The following SH3GL3 variants were observed in gnomAD, a reference collection of about 807,000 sequenced individuals.
SH3GL3 encodes the protein endophilin-A3.
In SH3GL3, 33 loss-of-function variants were observed where a neutral mutation model predicts 47.7. The ratio of observed to expected loss-of-function variants is 0.69; its 90% CI spans 0.52 to 0.92. SH3GL3 has a LOEUF of 0.92. Among genes scored for constraint, SH3GL3 ranks in the 40% least tolerant of loss-of-function variants. The pLI, the probability that SH3GL3 is intolerant of heterozygous loss-of-function variation, is 0.00. For synonymous variants in SH3GL3, 155 were observed against 148.8 expected, an observed-to-expected ratio of 1.04 and a Z score of -0.30; for missense variants, 363 against 417.8, an observed-to-expected ratio of 0.87 and a Z score of 1.14.
At chr15:83,576,937 A>G (rs564150114) in intron 6 of SH3GL3, among the ~76,000 whole-genome samples, 196 bp downstream of exon 6, 105 of 5,842 alleles carry the variant, frequency 0.018, 1 homozygote, top group African/African-American at 0.093. Context: ...TTTTTTTTTG[A>G]GACGCTGTCT....
At chr15:83,501,140 G>T (rs547290090) in intron 1 of SH3GL3, among the ~76,000 whole-genome samples, 1 of 152,102 alleles carries the variant, frequency 6.6e-6, no homozygotes, top group African/African-American at 2.4e-5. Flanking sequence ...TCAGAAATAA[G>T]CAAGAACTCT....
At chr15:83,509,025 G>A (rs1304231623) in intron 1 of SH3GL3, among the ~76,000 whole-genome samples, 1 of 152,218 alleles carries the variant, frequency 6.6e-6, no homozygotes, top group Non-Finnish European at 1.5e-5. Flanking sequence ...TGAGCAATTG[G>A]TAAGGCTTAT....
In SH3GL3 at chr15:83,461,884, T is replaced by C. The variant is rs144436085; in HGVS notation, c.45+14306T>C. ...TCTGATAAAACTAACTTATTTTACATACAAATTAGTCTTGCTCTGAGTACT... is the reference window on the plus strand; with the variant it reads ...TCTGATAAAACTAACTTATTTTACACACAAATTAGTCTTGCTCTGAGTACT... On this transcript the variant is annotated intron_variant, in intron 1 of 8. Coordinates refer to ENST00000427482, the MANE Select transcript of SH3GL3 (RefSeq NM_003027.5). Among the ~76,000 whole-genome samples the C allele has an allele frequency of 3.8e-3, 583 of 152,310 alleles. 4 individuals are homozygous for C. Among genetic ancestry groups the C allele is most frequent in the African/African-American group, 0.013 (544 of 41,556 alleles).
intron 1 of SH3GL3, among the ~76,000 whole-genome samples, chr15:83,537,979 T>A (rs986756114): frequency 3.3e-5 from 5 of 152,216 alleles, no homozygotes; most frequent in Non-Finnish European, 7.3e-5. Context: ...TCAATTTCTG[T>A]AATATTTATT....
intron 1 of SH3GL3, among the ~76,000 whole-genome samples, chr15:83,551,143 G>A (rs1416608786): frequency 1.3e-5 from 2 of 152,156 alleles, no homozygotes; most frequent in Non-Finnish European, 2.9e-5. Flanking sequence ...TTTATAATTT[G>A]TCACTGCTCG....
intron 8 of SH3GL3, among the ~76,000 whole-genome samples, chr15:83,591,831 G>A (rs374300920): frequency 1.3e-5 from 2 of 152,082 alleles, no homozygotes; most frequent in Admixed American, 6.5e-5. Context: ...GACTACAGGC[G>A]CCCGATACCG....
At chr15:83,605,612 G>A (rs191367717) in intron 8 of SH3GL3, among the ~76,000 whole-genome samples, 1 of 152,148 alleles carries the variant, frequency 6.6e-6, no homozygotes, top group Admixed American at 6.5e-5. Flanking sequence ...TCGTGGGACT[G>A]AGATGGAATC....
intron 1 of SH3GL3, among the ~76,000 whole-genome samples, chr15:83,501,624 G>C (rs967344612): frequency 6.6e-6 from 1 of 152,222 alleles, no homozygotes. Flanking sequence ...GGGTGCAGTG[G>C]CTCACGCCTG....
At chr15:83,488,210 A>G (rs1199700602) in intron 1 of SH3GL3, 1 of 152,352 alleles carries the variant, frequency 6.6e-6, no homozygotes, top group Non-Finnish European at 1.5e-5. Flanking sequence ...CAAATGAAAA[A>G]AATGGATGTG....
At chr15:83,481,272 C>G (rs1336047628) in intron 1 of SH3GL3, among the ~76,000 whole-genome samples, 1 of 67,608 alleles carries the variant, frequency 1.5e-5, no homozygotes, top group Non-Finnish European at 3.0e-5. Flanking sequence ...GACATTCTGT[C>G]TCAAAAAAAA....
chr15:83,489,760 A>C (rs74024504), intron 1 of SH3GL3, among the ~76,000 whole-genome samples: 1 of 152,064 alleles, frequency 6.6e-6, no homozygotes, highest in Non-Finnish European at 1.5e-5. Context: ...AGTTAGACCT[A>C]TTTAGGGAAT....
chr15:83,468,087 C>T (rs917572098), intron 1 of SH3GL3, among the ~76,000 whole-genome samples: 1 of 152,212 alleles, frequency 6.6e-6, no homozygotes, highest in African/African-American at 2.4e-5. Context: ...GCCTTGGCCT[C>T]CCAAAGTGCT....
At chr15:83,622,606 T>C (rs527587739), downstream of SH3GL3, among the ~76,000 whole-genome samples, 2 of 152,388 alleles carry the variant, frequency 1.3e-5, no homozygotes, top group African/African-American at 4.8e-5. Context: ...AAGGAGGAGA[T>C]GCAAGGATCA....
chr15:83,536,882 G>A (rs1382877231), intron 1 of SH3GL3, among the ~76,000 whole-genome samples: 1 of 152,080 alleles, frequency 6.6e-6, no homozygotes, highest in Non-Finnish European at 1.5e-5. Flanking sequence ...GATTATCTCT[G>A]TTTCCTTTGG....
chr15:83,581,244 G>T (rs899753085), intron 6 of SH3GL3, among the ~76,000 whole-genome samples: 1 of 152,216 alleles, frequency 6.6e-6, no homozygotes, highest in African/African-American at 2.4e-5. Flanking sequence ...ACTTCCTAGG[G>T]TTTTCTGGCC....
chr15:83,603,507 C>T (rs181288105), intron 8 of SH3GL3, among the ~76,000 whole-genome samples: 78 of 152,294 alleles, frequency 5.1e-4, no homozygotes, highest in African/African-American at 1.8e-3. Context: ...CCTTTCGTTG[C>T]GTCTTTGCCA....
At chr15:83,605,084 T>C (rs1284114978) in intron 8 of SH3GL3, among the ~76,000 whole-genome samples, 1 of 152,150 alleles carries the variant, frequency 6.6e-6, no homozygotes, top group Admixed American at 6.5e-5. Flanking sequence ...CCTAGACAGA[T>C]TAAGTTCCTA....
At position 83,618,290 on chromosome 15, in the gene SH3GL3, G is replaced by C; in HGVS notation, c.*3G>C. 1 of 1,565,162 alleles carries C rather than the reference G, an allele frequency of 6.4e-7. No individual in the cohort carries two copies. The highest frequency in any genetic ancestry group is 8.8e-7 in the Non-Finnish European group (1 of 1,135,346). ...TGATCGTGCCTTTACCTCAGTAAAT[G>C]TGTAACACAAACTCTGGACATACTT... On this transcript the variant is annotated 3_prime_UTR_variant, in exon 9 of 9. Transcript: ENST00000427482.
intron 1 of SH3GL3, among the ~76,000 whole-genome samples, chr15:83,510,913 G>A (rs1036381485): frequency 6.6e-6 from 1 of 150,380 alleles, no homozygotes; most frequent in African/African-American, 2.4e-5. Flanking sequence ...CCACTCAGAT[G>A]TTCTCACTCA....
Sources: gnomAD v4.1 joint callset for allele counts (sites outside exome capture counted in the v4.1 genomes callset) on GRCh38, gnomAD v4.1.1 for gene constraint, MANE v1.5 for transcripts, NCBI Gene and HGNC (gene_info 2026-07-23, HGNC 2026-07-21) for gene names.